The following OXR1 variants were observed in gnomAD, a reference collection of about 807,000 sequenced individuals.
OXR1 encodes oxidation resistance 1.
In OXR1, 41 loss-of-function variants were observed where a neutral mutation model predicts 104.6. That is an observed-to-expected ratio of 0.39 (90% CI 0.31 to 0.51). OXR1 has a LOEUF of 0.51. Among genes scored for constraint, OXR1 ranks in the 20% least tolerant of loss-of-function variants. The pLI is 0.77. For missense variants in OXR1, 955 were observed against 1,031.9 expected (o/e 0.93, Z 1.02); for synonymous variants, 348 against 348.4 (o/e 1.00, Z 0.01).
intron 1 of OXR1, among the ~76,000 whole-genome samples, chr8:106,276,528 T>C (rs903108999): frequency 2.0e-5 from 3 of 152,174 alleles, no homozygotes; most frequent in Non-Finnish European, 4.4e-5. Context: ...TATTTCTTCA[T>C]CTTTAAAATG....
At chr8:106,500,581 A>C (rs543144589) in intron 2 of OXR1, among the ~76,000 whole-genome samples, 1 of 151,834 alleles carries the variant, frequency 6.6e-6, no homozygotes, top group East Asian at 1.9e-4. Context: ...CAGTAGCTTG[A>C]CGATGCTCCC....
In OXR1 at chr8:106,629,041, AAG is replaced by A. The variant is rs1425262268; in HGVS notation, c.221-50163_221-50162del. Among the ~76,000 whole-genome samples the A allele has an allele frequency of 5.3e-5, 8 of 152,324 alleles. No individual in the cohort carries two copies. In the South Asian group the frequency reaches 1.5e-3, roughly 28 times the overall value. ...GACAGACTTCAGAGCGTAACAGAGT[AAG>A]AGAGAATGAAGAAAAGACAAAATCA... is the stretch of plus-strand genomic sequence containing the variant. On this transcript the variant is annotated intron_variant, in intron 3 of 16. Transcript: ENST00000517566.
At chr8:106,556,800 C>T (rs1816317139) in intron 3 of OXR1, among the ~76,000 whole-genome samples, 1 of 152,180 alleles carries the variant, frequency 6.6e-6, no homozygotes. Flanking sequence ...AATGATTCTG[C>T]TGGTGTTGCT....
intron 2 of OXR1, among the ~76,000 whole-genome samples, chr8:106,506,556 T>C (rs1201310573): frequency 6.6e-6 from 1 of 152,044 alleles, no homozygotes; most frequent in African/African-American, 2.4e-5. Flanking sequence ...GAGCTTGCAG[T>C]GAGCCTATCA....
At chr8:106,455,063 GAT>G (rs1173373726) in intron 2 of OXR1, among the ~76,000 whole-genome samples, 4 of 152,280 alleles carry the variant, frequency 2.6e-5, no homozygotes, top group African/African-American at 9.6e-5. Flanking sequence ...AATATGGTTT[GAT>G]ATATTTCCTT....
At chr8:106,441,439 C>A (rs1012821903) in intron 2 of OXR1, among the ~76,000 whole-genome samples, 1 of 152,078 alleles carries the variant, frequency 6.6e-6, no homozygotes, top group Non-Finnish European at 1.5e-5. Context: ...ATAGTTTTTT[C>A]TAATTCTGTG....
At chr8:106,289,299 A>G (rs1812646116) in intron 1 of OXR1, among the ~76,000 whole-genome samples, 1 of 152,214 alleles carries the variant, frequency 6.6e-6, no homozygotes. Flanking sequence ...AGAACTGATA[A>G]GCTATTTTAA....
chr8:106,446,805 G>A (rs1820029002), intron 2 of OXR1, among the ~76,000 whole-genome samples: 1 of 152,056 alleles, frequency 6.6e-6, no homozygotes. Flanking sequence ...GGTGGTATGT[G>A]TCTGTACTCT....
chr8:106,303,676 G>A (rs1813357840), intron 1 of OXR1, among the ~76,000 whole-genome samples: 1 of 151,840 alleles, frequency 6.6e-6, no homozygotes, highest in African/African-American at 2.4e-5. Context: ...CCTACATAAT[G>A]GAATAGTTTA....
chr8:106,658,060 T>C, intron 3 of OXR1: 1 of 1,248,362 alleles, frequency 8.0e-7, no homozygotes, highest in South Asian at 4.1e-5. Context: ...CTGTTGGGGT[T>C]CGGGGGCGGC....
At chr8:106,383,682 G>A (rs1198727097) in intron 2 of OXR1, among the ~76,000 whole-genome samples, 2 of 152,140 alleles carry the variant, frequency 1.3e-5, no homozygotes, top group African/African-American at 4.8e-5. Context: ...CTCACAGTCT[G>A]GTGAAAGAGA....
At chr8:106,726,622 A>G (rs1833369248) in intron 11 of OXR1, among the ~76,000 whole-genome samples, 1 of 152,178 alleles carries the variant, frequency 6.6e-6, no homozygotes, top group Admixed American at 6.5e-5. Flanking sequence ...AAATATTCAG[A>G]ATTTTCTCTT....
chr8:106,449,842 T>C (rs1415345300), intron 2 of OXR1, among the ~76,000 whole-genome samples: 1 of 152,094 alleles, frequency 6.6e-6, no homozygotes, highest in Non-Finnish European at 1.5e-5. Flanking sequence ...TTGGAGTCAG[T>C]AGGGGCCACA....
intron 2 of OXR1, among the ~76,000 whole-genome samples, chr8:106,450,333 A>C (rs1820242923): frequency 6.6e-6 from 1 of 152,160 alleles, no homozygotes; most frequent in African/African-American, 2.4e-5. Context: ...AATGTGGTGA[A>C]TCTTTTCATG....
chr8:106,283,097 C>T (rs761771601), intron 1 of OXR1, among the ~76,000 whole-genome samples: 2 of 152,148 alleles, frequency 1.3e-5, no homozygotes, highest in Non-Finnish European at 2.9e-5. Context: ...GTTCTGTCCA[C>T]GCTTGTGCTT....
intron 6 of OXR1, among the ~76,000 whole-genome samples, chr8:106,684,664 C>T (rs962956673): frequency 6.6e-6 from 1 of 152,090 alleles, no homozygotes; most frequent in Non-Finnish European, 1.5e-5. Context: ...GACATTATCA[C>T]AGTAGAGGAA....
intron 1 of OXR1, among the ~76,000 whole-genome samples, chr8:106,286,669 T>G (rs1371992665): frequency 7.0e-6 from 1 of 143,180 alleles, no homozygotes; most frequent in African/African-American, 2.5e-5. Flanking sequence ...GACTTTGTGT[T>G]GCTATGTACT....
chr8:106,739,785 A>G (rs890893387), intron 13 of OXR1, among the ~76,000 whole-genome samples: 3 of 152,152 alleles, frequency 2.0e-5, no homozygotes, highest in African/African-American at 7.2e-5. Context: ...CTAAAAGCCA[A>G]TATTTGTTTT....
chr8:106,650,970 G>T (rs530691604), intron 3 of OXR1, among the ~76,000 whole-genome samples: 9 of 152,198 alleles, frequency 5.9e-5, no homozygotes, highest in African/African-American at 2.2e-4. Context: ...TCACCACTTA[G>T]GTTATTTTCA....
Sources: gnomAD v4.1 joint callset for allele counts (sites outside exome capture counted in the v4.1 genomes callset) on GRCh38, gnomAD v4.1.1 for gene constraint, MANE v1.5 for transcripts, NCBI Gene and HGNC (gene_info 2026-07-23, HGNC 2026-07-21) for gene names.